TBCA: variants seen among roughly 807,000 people sequenced by gnomAD.
The protein encoded by TBCA is tubulin-specific chaperone A.
Under a neutral mutation model 15.8 loss-of-function variants are expected in TBCA, and 6 were observed. The observed-to-expected ratio is 0.38, with a 90% CI of 0.21 to 0.75. TBCA has a LOEUF of 0.75. Ranked by LOEUF, TBCA falls within the 30% of genes least tolerant of loss-of-function variation. TBCA has a pLI of 0.46. For missense variants in TBCA, 90 were observed against 131.2 expected, an observed-to-expected ratio of 0.69 and a Z score of 1.53; for synonymous variants, 32 against 42.3, an observed-to-expected ratio of 0.76 and a Z score of 0.94.
intron 1 of TBCA, among the ~76,000 whole-genome samples, chr5:77,720,418 A>T (rs908682185): frequency 1.3e-5 from 2 of 152,114 alleles, no homozygotes; most frequent in African/African-American, 4.8e-5. Flanking sequence ...TTACACTTCT[A>T]AAAAAGCCAA....
Position 77,736,162 on chromosome 5 carries a change from G to A in TBCA, c.54-27815C>T, listed in dbSNP as rs372367557. On this transcript the variant is annotated intron_variant, in intron 1 of 3. Transcript: ENST00000380377. ...ATCCTGGCTAACACAGTGAAACCCCGTCTCTAATAAAAATATAAAAAACAT... is the reference window on the plus strand; with the variant it reads ...ATCCTGGCTAACACAGTGAAACCCCATCTCTAATAAAAATATAAAAAACAT... Among the ~76,000 whole-genome samples the A allele has an allele frequency of 3.7e-4, 57 of 152,042 alleles. No individual in the cohort carries two copies. The South Asian group carries it at 0.011, about 30-fold the overall frequency.
Position 77,709,103 on chromosome 5 carries a change from A to C in TBCA, c.54-756T>G, listed in dbSNP as rs1307306449. ...TCAGTAGATTGCATGTCAAATCCAAAACAAAGAAAGACTGGATTATTTTTT... is the reference window on the plus strand; with the variant it reads ...TCAGTAGATTGCATGTCAAATCCAACACAAAGAAAGACTGGATTATTTTTT... On this transcript the variant is annotated intron_variant, in intron 1 of 3. Coordinates refer to ENST00000380377, the MANE Select transcript of TBCA (RefSeq NM_004607.3). 2.0e-5 allele frequency among the ~76,000 whole-genome samples: 3 copies of C among 152,112 alleles called. No individual in the cohort carries two copies. The South Asian group carries it at 6.2e-4, about 32-fold the overall frequency.
chr5:77,739,471 T>A (rs1349346425), intron 1 of TBCA, among the ~76,000 whole-genome samples: 1 of 151,998 alleles, frequency 6.6e-6, no homozygotes, highest in Non-Finnish European at 1.5e-5. Context: ...ACAACAAAAG[T>A]TTGAAATATC....
chr5:77,765,527 C>T (rs1747750898), intron 1 of TBCA, among the ~76,000 whole-genome samples: 1 of 152,156 alleles, frequency 6.6e-6, no homozygotes, highest in Admixed American at 6.5e-5. Flanking sequence ...TACATGAAGT[C>T]CTTCTAAGAT....
chr5:77,712,997 T>A (rs1746317942), intron 1 of TBCA, among the ~76,000 whole-genome samples: 1 of 152,024 alleles, frequency 6.6e-6, no homozygotes, highest in East Asian at 1.9e-4. Flanking sequence ...TTTAGATATA[T>A]AAAAAAATAA....
intron 3 of TBCA, 109 bp downstream of exon 3, chr5:77,693,157 A>G (rs1180211023): frequency 1.9e-6 from 3 of 1,539,804 alleles, no homozygotes; most frequent in South Asian, 1.2e-5. Flanking sequence ...GGGCAAGTGA[A>G]TAAGAAATAC....
At chr5:77,698,135 A>G (rs1745912598) in intron 2 of TBCA, among the ~76,000 whole-genome samples, 1 of 150,842 alleles carries the variant, frequency 6.6e-6, no homozygotes, top group African/African-American at 2.4e-5. Flanking sequence ...AATAGTAATA[A>G]AATTAAAAAA....
At chr5:77,746,648 AT>A (rs1162131313) in intron 1 of TBCA, among the ~76,000 whole-genome samples, 5 of 152,106 alleles carry the variant, frequency 3.3e-5, no homozygotes, top group Non-Finnish European at 5.9e-5. Flanking sequence ...TTTTTCCTTA[AT>A]TTTTGAATAG....
chr5:77,748,813 C>T (rs889198555), intron 1 of TBCA, among the ~76,000 whole-genome samples: 6 of 152,038 alleles, frequency 3.9e-5, no homozygotes, highest in African/African-American at 1.5e-4. Flanking sequence ...ATATTTTGTA[C>T]GTTATATGTA....
At chr5:77,741,720 T>C (rs1747036672) in intron 1 of TBCA, among the ~76,000 whole-genome samples, 1 of 152,082 alleles carries the variant, frequency 6.6e-6, no homozygotes, top group South Asian at 2.1e-4. Context: ...GAAGTTGATA[T>C]ATTTACCAAG....
At chr5:77,716,174 C>T (rs1290907914) in intron 1 of TBCA, among the ~76,000 whole-genome samples, 1 of 152,052 alleles carries the variant, frequency 6.6e-6, no homozygotes, top group Non-Finnish European at 1.5e-5. Flanking sequence ...ATGAAGACAT[C>T]AATATTTCAG....
intron 1 of TBCA, among the ~76,000 whole-genome samples, chr5:77,743,355 T>A (rs1007020116): frequency 1.3e-5 from 2 of 152,232 alleles, no homozygotes; most frequent in African/African-American, 4.8e-5. Context: ...GACATTAAGA[T>A]GAGACTAAAC....
chr5:77,731,944 T>A (rs1746781448), intron 1 of TBCA, among the ~76,000 whole-genome samples: 1 of 152,194 alleles, frequency 6.6e-6, no homozygotes, highest in South Asian at 2.1e-4. Flanking sequence ...TGAGCATTAC[T>A]GACTGTTAAG....
chr5:77,775,832 G>T (rs369749562), intron 1 of TBCA, among the ~76,000 whole-genome samples: 2 of 152,340 alleles, frequency 1.3e-5, no homozygotes, highest in East Asian at 1.9e-4. Context: ...CGCTTCCCCG[G>T]GCCAAGTTCA....
At chr5:77,774,980 TAAAAAA>T (rs60670191) in intron 1 of TBCA, among the ~76,000 whole-genome samples, 367 of 143,326 alleles carry the variant, frequency 2.6e-3, no homozygotes, top group Non-Finnish European at 3.8e-3. Flanking sequence ...CTACAAAGAT[TAAAAAA>T]AAAAAAAAAA....
At chr5:77,723,777 C>T (rs751541915) in intron 1 of TBCA, among the ~76,000 whole-genome samples, 7 of 151,980 alleles carry the variant, frequency 4.6e-5, no homozygotes, top group South Asian at 2.1e-4. Flanking sequence ...ATAGATACTG[C>T]GTATCTTAAA....
intron 1 of TBCA, among the ~76,000 whole-genome samples, chr5:77,757,671 A>C (rs548997628): frequency 6.6e-6 from 1 of 152,308 alleles, no homozygotes; most frequent in African/African-American, 2.4e-5. Context: ...CAAAGGTCAG[A>C]GCCACCTCCA....
chr5:77,756,709 T>C (rs1561282310), intron 1 of TBCA, among the ~76,000 whole-genome samples: 1 of 151,668 alleles, frequency 6.6e-6, no homozygotes, highest in Non-Finnish European at 1.5e-5. Context: ...TCATCCACCA[T>C]TACACACACC....
Position 77,691,195 on chromosome 5 carries a change from T to C in TBCA, c.*223A>G, listed in dbSNP as rs919991403. 3 of 483,322 alleles carry C rather than the reference T, an allele frequency of 6.2e-6. No homozygotes were observed. The highest frequency in any genetic ancestry group is 1.1e-5 in the Non-Finnish European group (3 of 273,714). The allele number at this position is 483,322 out of a possible 1,614,324, so 29.9% of individuals were successfully genotyped here. A position where few individuals can be genotyped will look rare whatever the true frequency, so the allele number is the denominator to read the frequency against. ...CTGTCATAAAGTCTATGTGGTTTAA[T>C]GATAAAAGGTTAATTTAAAAATTTT... On this transcript the variant is annotated 3_prime_UTR_variant, in exon 4 of 4. Coordinates refer to ENST00000380377, the MANE Select transcript of TBCA (RefSeq NM_004607.3).
Sources: allele counts gnomAD v4.1 joint callset (sites outside exome capture counted in the v4.1 genomes callset), GRCh38; gene constraint gnomAD v4.1.1; transcripts MANE v1.5; gene names NCBI Gene and HGNC (gene_info 2026-07-23, HGNC 2026-07-21).